The following EFHC2 variants were observed in gnomAD, a reference collection of about 807,000 sequenced individuals.
The protein encoded by EFHC2 is EF-hand domain containing 2.
In EFHC2, 18 loss-of-function variants were observed where a neutral mutation model predicts 52.7. That is an observed-to-expected ratio of 0.34 (90% CI 0.24 to 0.51). EFHC2 has a LOEUF of 0.51. EFHC2 is among the 20% of genes least tolerant of loss of function. The pLI is 0.97. For synonymous variants in EFHC2, 203 were observed against 204.1 expected (o/e 0.99, Z 0.04); for missense variants, 513 against 562.5 (o/e 0.91, Z 0.89).
In EFHC2 at chrX:44,178,529, G is replaced by A; in HGVS notation, c.1787C>T (p.Ala596Val). The change falls in exon 12 of 15, where the codon GCA becomes GTA. Residue 596 changes from alanine (A) to valine (V), a missense_variant. Coordinates refer to ENST00000420999, the MANE Select transcript of EFHC2 (RefSeq NM_025184.4). ...TGCAATGGTTACAAATTCTTGCTCT[G>A]CAAGGTTTCCAACAGTCAAAGACAT... The part of the protein sequence containing the change: ...ILMSLTVGNL[A>V]EQEFVTIARH... 1.7e-6 allele frequency: 2 copies of A among 1,199,199 alleles called. No individual in the cohort carries two copies. Among genetic ancestry groups the A allele is most frequent in the South Asian group, 1.9e-5 (1 of 52,377 alleles).
chrX:44,155,397 A>G (rs1329577433), intron 14 of EFHC2, among the ~76,000 whole-genome samples: 1 of 112,271 alleles, frequency 8.9e-6, no homozygotes, highest in Non-Finnish European at 1.9e-5. Flanking sequence ...GAGAACAGCA[A>G]AGCTGTGTGT....
chrX:44,227,769 T>C (rs1011606625), intron 11 of EFHC2, among the ~76,000 whole-genome samples: 6 of 111,509 alleles, frequency 5.4e-5, no homozygotes, highest in Admixed American at 4.8e-4. Flanking sequence ...CAGCAGGTGA[T>C]CTACTCTAGA....
chrX:44,216,439 C>T (rs73628319), intron 11 of EFHC2, among the ~76,000 whole-genome samples: 7,187 of 111,617 alleles, frequency 0.064, 576 homozygotes, highest in African/African-American at 0.22. Flanking sequence ...ACCTCTTACA[C>T]ACACAGTAGC....
At chrX:44,219,026 TAC>T (rs2037172852) in intron 11 of EFHC2, among the ~76,000 whole-genome samples, 1 of 109,553 alleles carries the variant, frequency 9.1e-6, no homozygotes, top group African/African-American at 3.3e-5. Context: ...GAATTAGTGA[TAC>T]ACTCTATAAT....
intron 2 of EFHC2, among the ~76,000 whole-genome samples, chrX:44,297,273 C>T (rs982435144): frequency 9.0e-6 from 1 of 111,480 alleles, no homozygotes; most frequent in African/African-American, 3.3e-5. Flanking sequence ...ACCAAAGAGC[C>T]TCTCATTAAG....
chrX:44,252,381 G>A (rs187095091), intron 4 of EFHC2, among the ~76,000 whole-genome samples: 53 of 111,936 alleles, frequency 4.7e-4, no homozygotes, highest in Middle Eastern at 4.6e-3. Flanking sequence ...TCTATCTGTC[G>A]AGGGCAGTCT....
In EFHC2 at chrX:44,309,464, T is replaced by C. The variant is rs73628337; in HGVS notation, c.231+3104A>G. The stretch of plus-strand genomic sequence containing the variant: ...AATGGGCTCTCTACTCCGAAAACCT[T>C]GCTAAAACCCAGTTCCAGCATAAGT... On this transcript the variant is annotated intron_variant, in intron 2 of 14. Coordinates refer to ENST00000420999, the MANE Select transcript of EFHC2 (RefSeq NM_025184.4). The C allele has an allele frequency of 5.7e-3, 6,846 of 1,191,340 alleles. 248 individuals are homozygous for C. In the African/African-American group the frequency reaches 0.11, roughly 19 times the overall value.
At chrX:44,312,062 G>A (rs73628338) in intron 2 of EFHC2, among the ~76,000 whole-genome samples, 17,176 of 111,829 alleles carry the variant, frequency 0.15, 1,079 homozygotes, top group African/African-American at 0.24. Context: ...GAGCAAGAAT[G>A]ATTTTTCTTT....
intron 11 of EFHC2, among the ~76,000 whole-genome samples, chrX:44,207,898 T>C (rs1419954438): frequency 2.7e-5 from 3 of 112,052 alleles, no homozygotes; most frequent in Admixed American, 9.4e-5. Flanking sequence ...CATGAAAAAA[T>C]GCTCAGCATC....
chrX:44,287,081 G>A (rs1211923213), intron 2 of EFHC2, among the ~76,000 whole-genome samples: 1 of 88,713 alleles, frequency 1.1e-5, no homozygotes, highest in African/African-American at 4.3e-5. Flanking sequence ...TAGGCCGGGC[G>A]CAGTGGCTCA....
At chrX:44,247,375 T>C (rs1448268912) in intron 7 of EFHC2, among the ~76,000 whole-genome samples, 4 of 111,786 alleles carry the variant, frequency 3.6e-5, no homozygotes, top group Non-Finnish European at 7.5e-5. Flanking sequence ...CACCTTGTCT[T>C]TCAAGAAGCT....
intron 12 of EFHC2, among the ~76,000 whole-genome samples, chrX:44,178,129 T>TCACACACA (rs201977577): frequency 0.039 from 3,250 of 83,890 alleles, 86 homozygotes; most frequent in African/African-American, 0.077. Flanking sequence ...AGATGCCATA[T>TCACACACA]CACACACACA....
intron 11 of EFHC2, 108 bp downstream of exon 11, chrX:44,229,541 C>T (rs969176693): frequency 9.6e-7 from 1 of 1,037,582 alleles, no homozygotes. Flanking sequence ...CAAAGAAATG[C>T]CAATTCCTAA....
chrX:44,235,226 G>A (rs1261016201), intron 9 of EFHC2, 79 bp downstream of exon 9: 1 of 901,549 alleles, frequency 1.1e-6, no homozygotes, highest in Non-Finnish European at 1.5e-6. Flanking sequence ...TACAAAATCA[G>A]ATCATGTTCC....
rs1021349049 is a variant in EFHC2, at chrX:44,292,796, C to T, written c.231+19772G>A. Reference sequence around the variant, plus strand: ...TGTGTGGCACCTCCCCACTCCTTTTCTTCCTGCTCCAGCCATGTGAAGTGC... The same window carrying T: ...TGTGTGGCACCTCCCCACTCCTTTTTTTCCTGCTCCAGCCATGTGAAGTGC... On this transcript the variant is annotated intron_variant, in intron 2 of 14. Transcript: ENST00000420999. 2.7e-5 allele frequency among the ~76,000 whole-genome samples: 3 copies of T among 109,530 alleles called. No individual in the cohort carries two copies. The Admixed American group carries it at 2.9e-4, about 11-fold the overall frequency.
intron 1 of EFHC2, among the ~76,000 whole-genome samples, chrX:44,330,047 G>C (rs2038076647): frequency 1.1e-5 from 1 of 89,571 alleles, no homozygotes; most frequent in African/African-American, 4.5e-5. Context: ...TCAAGAGTTT[G>C]AGACAAGCCT....
intron 13 of EFHC2, among the ~76,000 whole-genome samples, chrX:44,171,531 G>T (rs1207398220): frequency 1.8e-5 from 2 of 111,329 alleles, no homozygotes; most frequent in Non-Finnish European, 3.8e-5. Flanking sequence ...TGAAACACCT[G>T]GTAAAAGTCG....
intron 5 of EFHC2, among the ~76,000 whole-genome samples, chrX:44,249,982 G>A (rs747354353): frequency 1.1e-4 from 12 of 112,415 alleles, no homozygotes; most frequent in African/African-American, 3.9e-4. Context: ...TCCTTTACTT[G>A]CCTTAACTTC....
At chrX:44,322,507 G>A (rs2038027707) in intron 1 of EFHC2, among the ~76,000 whole-genome samples, 1 of 111,875 alleles carries the variant, frequency 8.9e-6, no homozygotes, top group Admixed American at 9.5e-5. Context: ...GAGTAATAGG[G>A]TCATAAAGGA....
Sources: allele counts gnomAD v4.1 joint callset (sites outside exome capture counted in the v4.1 genomes callset), GRCh38; gene constraint gnomAD v4.1.1; transcripts MANE v1.5; gene names NCBI Gene and HGNC (gene_info 2026-07-23, HGNC 2026-07-21).